CCDC93: variants seen among roughly 807,000 people sequenced by gnomAD.
CCDC93 encodes the protein coiled-coil domain-containing protein 93.
In CCDC93, 61 loss-of-function variants were observed where a neutral mutation model predicts 108.2. That is an observed-to-expected ratio of 0.56 (90% CI 0.46 to 0.70). CCDC93 has a LOEUF of 0.70. Ranked by LOEUF, CCDC93 falls within the 30% of genes least tolerant of loss-of-function variation. The probability of loss-of-function intolerance (pLI) is 0.00; values close to 1 mark genes in which losing one functional copy is unlikely to be tolerated. For missense variants in CCDC93, 685 were observed against 764.2 expected (o/e 0.90, Z 1.22); for synonymous variants, 276 against 260.4 (o/e 1.06, Z -0.58).
At chr2:117,995,954 ATATTAT>A (rs746132603) in intron 5 of CCDC93, among the ~76,000 whole-genome samples, 4 of 151,726 alleles carry the variant, frequency 2.6e-5, no homozygotes, top group East Asian at 1.9e-4. Context: ...GTTTTTAATT[ATATTAT>A]TATTATTATT....
intron 15 of CCDC93, among the ~76,000 whole-genome samples, chr2:117,947,294 T>C (rs1678902768): frequency 6.6e-6 from 1 of 152,154 alleles, no homozygotes; most frequent in African/African-American, 2.4e-5. Context: ...GGCCCTTAAG[T>C]AAGATCTAGC....
chr2:117,982,351 G>C (rs1282300428), intron 7 of CCDC93, among the ~76,000 whole-genome samples: 1 of 152,066 alleles, frequency 6.6e-6, no homozygotes, highest in Non-Finnish European at 1.5e-5. Context: ...TAACAAAACT[G>C]AAATATTATA....
At chr2:117,941,321 A>G (rs780268553) in intron 18 of CCDC93, 24 bp from the exon 19 acceptor site, 1 of 1,588,512 alleles carries the variant, frequency 6.3e-7, no homozygotes, top group African/African-American at 1.3e-5. Context: ...GGAGACAGAG[A>G]CAGTACTATT....
intron 15 of CCDC93, among the ~76,000 whole-genome samples, chr2:117,947,301 T>A (rs1417289176): frequency 6.6e-6 from 1 of 152,174 alleles, no homozygotes; most frequent in East Asian, 1.9e-4. Flanking sequence ...AAGTAAGATC[T>A]AGCTTTTTGG....
At chr2:117,954,845 A>C (rs1573485383) in intron 12 of CCDC93, among the ~76,000 whole-genome samples, 3 of 152,168 alleles carry the variant, frequency 2.0e-5, no homozygotes, top group Admixed American at 2.0e-4. Context: ...CGTGATAGTG[A>C]GTTCTCAGGA....
chr2:117,986,079 T>G lies in CCDC93; in HGVS notation c.520-10A>C. 1 of 1,573,600 alleles carries G rather than the reference T, an allele frequency of 6.4e-7. No individual in the cohort carries two copies. Among genetic ancestry groups the G allele is most frequent in the Non-Finnish European group, 8.7e-7 (1 of 1,144,424 alleles). On this transcript the variant is annotated splice_polypyrimidine_tract_variant and intron_variant, in intron 6 of 23. Coordinates refer to ENST00000376300, the MANE Select transcript of CCDC93 (RefSeq NM_019044.5). ...GGGGCTTGTACACTTCCTAAGTGGA[T>G]GAGACAGCCAAGTTACTGAGTGTGA...
In CCDC93 at chr2:117,984,303, C is replaced by T. The variant is rs116150044; in HGVS notation, c.620+1666G>A. 5.7e-3 allele frequency among the ~76,000 whole-genome samples: 873 copies of T among 152,276 alleles called. 9 individuals are homozygous for T. The highest frequency in any genetic ancestry group is 0.02 in the African/African-American group (833 of 41,556). ...GTCAGCATGACCATACCAACAGGAA[C>T]CAGGATTGGTATCAAGACACTGCTC... On this transcript the variant is annotated intron_variant, in intron 7 of 23. Coordinates refer to ENST00000376300, the MANE Select transcript of CCDC93 (RefSeq NM_019044.5).
At position 118,014,040 on chromosome 2, in the gene CCDC93, G is replaced by C. The variant is rs374522839; in HGVS notation, c.-45C>G. ...AAGGCGAGAGCGAAGCCCGCCAAGCGTCCGGAGGAAGCTGTCCCTGCCGCG... is the reference window on the plus strand; with the variant it reads ...AAGGCGAGAGCGAAGCCCGCCAAGCCTCCGGAGGAAGCTGTCCCTGCCGCG... On this transcript the variant is annotated 5_prime_UTR_variant, in exon 1 of 24. Coordinates refer to ENST00000376300, the MANE Select transcript of CCDC93 (RefSeq NM_019044.5). 5.1e-6 allele frequency: 8 copies of C among 1,579,092 alleles called. No individual in the cohort carries two copies. Among genetic ancestry groups the C allele is most frequent in the Non-Finnish European group, 6.9e-6 (8 of 1,163,656 alleles).
At chr2:117,936,308 C>T (rs993008468) in intron 21 of CCDC93, among the ~76,000 whole-genome samples, 3 of 151,536 alleles carry the variant, frequency 2.0e-5, no homozygotes, top group African/African-American at 7.3e-5. Flanking sequence ...ACAATGTACA[C>T]ATTAACCAAA....
intron 23 of CCDC93, among the ~76,000 whole-genome samples, chr2:117,922,200 G>A (rs1170921241): frequency 6.6e-6 from 1 of 152,114 alleles, no homozygotes; most frequent in African/African-American, 2.4e-5. Flanking sequence ...ACTCTACCGT[G>A]GGGAACTGTG....
chr2:118,006,275 G>A (rs566517489), intron 3 of CCDC93, among the ~76,000 whole-genome samples: 23 of 152,148 alleles, frequency 1.5e-4, no homozygotes, highest in Non-Finnish European at 2.9e-4. Context: ...TGGAAGGCTG[G>A]GAGAAGAACC....
At chr2:118,006,853 T>C (rs766217085) in intron 2 of CCDC93, 37 bp from the exon 3 acceptor site, 8 of 1,326,698 alleles carry the variant, frequency 6.0e-6, no homozygotes, top group South Asian at 4.7e-5. Flanking sequence ...TTTCTCTTTT[T>C]AGTTTGGGGA....
intron 21 of CCDC93, 60 bp downstream of exon 21, chr2:117,936,642 G>T: frequency 7.6e-7 from 1 of 1,317,130 alleles, no homozygotes; most frequent in Non-Finnish European, 1.1e-6. Context: ...TGTGAGGTGG[G>T]CTGAATTCAA....
At chr2:117,937,162 C>T (rs1397414003) in intron 20 of CCDC93, among the ~76,000 whole-genome samples, 5 of 151,926 alleles carry the variant, frequency 3.3e-5, no homozygotes, top group Admixed American at 3.3e-4. Flanking sequence ...GAGTCGTTTA[C>T]ACCCTATTCC....
At chr2:117,926,346 G>C (rs536612917) in intron 23 of CCDC93, among the ~76,000 whole-genome samples, 4,164 of 152,104 alleles carry the variant, frequency 0.027, 189 homozygotes, top group African/African-American at 0.096. Flanking sequence ...TTTTTGAAAA[G>C]ATCAACAAAA....
At chr2:118,003,171 C>T (rs1273980808) in intron 3 of CCDC93, among the ~76,000 whole-genome samples, 7 of 152,210 alleles carry the variant, frequency 4.6e-5, no homozygotes, top group Non-Finnish European at 5.9e-5. Context: ...AGATATGTTG[C>T]CTGCCCCACA....
chr2:117,946,744 T>G (rs1368585636), intron 16 of CCDC93, 67 bp downstream of exon 16: 3 of 1,122,192 alleles, frequency 2.7e-6, no homozygotes, highest in Non-Finnish European at 4.1e-6. Context: ...TGCTCTTTGG[T>G]CCTCTAGAAC....
chr2:117,959,831 GA>G (rs1248243246), intron 11 of CCDC93, among the ~76,000 whole-genome samples: 1 of 152,168 alleles, frequency 6.6e-6, no homozygotes, highest in Non-Finnish European at 1.5e-5. Context: ...GGATTTCTGG[GA>G]ATTGGAATTA....
intron 22 of CCDC93, among the ~76,000 whole-genome samples, chr2:117,933,811 C>T (rs550669627): frequency 6.6e-6 from 1 of 152,070 alleles, no homozygotes; most frequent in Admixed American, 6.5e-5. Context: ...ATCTGGAGCC[C>T]TCTCTGAGAA....
Sources: gnomAD v4.1 joint callset for allele counts (sites outside exome capture counted in the v4.1 genomes callset) on GRCh38, gnomAD v4.1.1 for gene constraint, MANE v1.5 for transcripts, NCBI Gene and HGNC (gene_info 2026-07-23, HGNC 2026-07-21) for gene names.